Variants in CDH11 observed in about 807,000 individuals in gnomAD.
CDH11 encodes cadherin 11, also known as cadherin-11.
Under a neutral mutation model 67.8 loss-of-function variants are expected in CDH11, and 11 were observed. That is an observed-to-expected ratio of 0.16 (90% CI 0.10 to 0.27). The LOEUF is 0.27. Among genes scored for constraint, CDH11 ranks in the 10% least tolerant of loss-of-function variants. The pLI is 1.00. For missense variants in CDH11, 847 were observed against 1,031.2 expected, an observed-to-expected ratio of 0.82 and a Z score of 2.45; for synonymous variants, 419 against 400.0, an observed-to-expected ratio of 1.05 and a Z score of -0.57.
rs558491431 is a variant in CDH11 at position 65,029,664 on chromosome 16, T to A, written c.-173+24140A>T. Among the ~76,000 whole-genome samples the A allele has an allele frequency of 1.1e-4, 17 of 152,312 alleles. No homozygotes were observed. In the South Asian group the frequency reaches 3.3e-3, roughly 30 times the overall value. On this transcript the variant is annotated intron_variant, in intron 2 of 12. Coordinates refer to ENST00000268603, the MANE Select transcript of CDH11 (RefSeq NM_001797.4). ...CTTAATGAGCATGCAGAACTGAAAG[T>A]TTTTATGGGAGAACATTGAACGTTG...
intron 2 of CDH11, among the ~76,000 whole-genome samples, chr16:65,044,041 GGGA>G (rs2073912106): frequency 6.6e-6 from 1 of 152,148 alleles, no homozygotes. Context: ...TGCAGAAAAA[GGGA>G]GGAGAGGATC....
intron 11 of CDH11, among the ~76,000 whole-genome samples, chr16:64,968,181 C>T (rs561528131): frequency 2.6e-5 from 4 of 152,178 alleles, no homozygotes; most frequent in African/African-American, 9.6e-5. Context: ...AATCACTGAC[C>T]CTTCTGATGT....
At chr16:65,048,244 C>T (rs1249201519) in intron 2 of CDH11, among the ~76,000 whole-genome samples, 1 of 152,136 alleles carries the variant, frequency 6.6e-6, no homozygotes, top group Non-Finnish European at 1.5e-5. Context: ...CTTTAAAACT[C>T]AAGTGGAGAG....
chr16:65,019,328 C>T (rs1035653932), intron 2 of CDH11, among the ~76,000 whole-genome samples: 2 of 152,114 alleles, frequency 1.3e-5, no homozygotes, highest in African/African-American at 2.4e-5. Flanking sequence ...TTATCTAAAA[C>T]AATAACTCAA....
At chr16:64,969,515 G>A (rs1292499917) in intron 11 of CDH11, among the ~76,000 whole-genome samples, 1 of 152,116 alleles carries the variant, frequency 6.6e-6, no homozygotes, top group Non-Finnish European at 1.5e-5. Context: ...CTGGGCAACC[G>A]AATCAATCTC....
intron 2 of CDH11, among the ~76,000 whole-genome samples, chr16:65,010,578 G>A (rs1308594725): frequency 2.0e-5 from 3 of 152,150 alleles, no homozygotes; most frequent in Non-Finnish European, 2.9e-5. Flanking sequence ...AAAAGGTTAT[G>A]GTATATGCTG....
At chr16:64,956,499 C>T (rs1409131141) in intron 11 of CDH11, among the ~76,000 whole-genome samples, 1 of 152,196 alleles carries the variant, frequency 6.6e-6, no homozygotes, top group Non-Finnish European at 1.5e-5. Context: ...TTCTTCAGTC[C>T]TGGACAATAT....
At chr16:65,057,476 G>A (rs1366977651) in intron 1 of CDH11, among the ~76,000 whole-genome samples, 1 of 152,114 alleles carries the variant, frequency 6.6e-6, no homozygotes, top group African/African-American at 2.4e-5. Flanking sequence ...CTAGAAATCA[G>A]GAAAAGGAAC....
At chr16:64,971,407 G>C (rs1287958890) in intron 11 of CDH11, among the ~76,000 whole-genome samples, 172 bp downstream of exon 11, 3 of 152,070 alleles carry the variant, frequency 2.0e-5, no homozygotes, top group Non-Finnish European at 4.4e-5. Flanking sequence ...TCACTTATTC[G>C]CATGCATCAA....
At chr16:65,085,459 A>G (rs1444793859) in intron 1 of CDH11, among the ~76,000 whole-genome samples, 1 of 152,216 alleles carries the variant, frequency 6.6e-6, no homozygotes, top group Non-Finnish European at 1.5e-5. Flanking sequence ...AATAATGTAT[A>G]TAACTGAACT....
chr16:64,958,460 A>G (rs2071580041), intron 11 of CDH11, among the ~76,000 whole-genome samples: 1 of 152,172 alleles, frequency 6.6e-6, no homozygotes. Flanking sequence ...TGAACTGCTA[A>G]TATGGGCAAA....
chr16:64,989,302 G>C (rs1458610150), intron 6 of CDH11, among the ~76,000 whole-genome samples: 1 of 152,060 alleles, frequency 6.6e-6, no homozygotes, highest in Non-Finnish European at 1.5e-5. Context: ...GTGTGAGTGT[G>C]TGTATGAATG....
chr16:65,063,069 T>C (rs1273873420), intron 1 of CDH11, among the ~76,000 whole-genome samples: 1 of 152,238 alleles, frequency 6.6e-6, no homozygotes, highest in Non-Finnish European at 1.5e-5. Context: ...CATTCTTCAC[T>C]GCTATGCACA....
At chr16:65,017,738 T>G (rs257490) in intron 2 of CDH11, among the ~76,000 whole-genome samples, 1 of 152,002 alleles carries the variant, frequency 6.6e-6, no homozygotes, top group Non-Finnish European at 1.5e-5. Flanking sequence ...TAGATCTGTA[T>G]GTTACCTATT....
intron 4 of CDH11, among the ~76,000 whole-genome samples, chr16:64,994,161 A>G (rs1282205696): frequency 1.3e-5 from 2 of 152,118 alleles, no homozygotes; most frequent in Non-Finnish European, 2.9e-5. Context: ...TGTGGTGTAC[A>G]TCTCACTTTT....
chr16:64,957,631 C>T (rs2071551909), intron 11 of CDH11, among the ~76,000 whole-genome samples: 1 of 143,468 alleles, frequency 7.0e-6, no homozygotes, highest in South Asian at 2.3e-4. Context: ...CACACACACA[C>T]ACCCATCCAT....
chr16:65,004,355 A>C (rs985438794), intron 3 of CDH11, among the ~76,000 whole-genome samples: 39 of 152,246 alleles, frequency 2.6e-4, no homozygotes, highest in African/African-American at 9.4e-4. Context: ...TCTGGGCAAC[A>C]GAGAGAGACC....
At chr16:64,950,499 C>T (rs187089241) in intron 12 of CDH11, among the ~76,000 whole-genome samples, 34 of 152,170 alleles carry the variant, frequency 2.2e-4, no homozygotes, top group Admixed American at 1.6e-3. Context: ...TGTGATGGCC[C>T]GGCAAAATGC....
chr16:64,993,431 T>C (rs2072682980), intron 4 of CDH11, among the ~76,000 whole-genome samples: 1 of 152,150 alleles, frequency 6.6e-6, no homozygotes, highest in South Asian at 2.1e-4. Flanking sequence ...TAACGATAAA[T>C]TGCTTTCAGG....
Sources: gnomAD v4.1 joint callset for allele counts (sites outside exome capture counted in the v4.1 genomes callset) on GRCh38, gnomAD v4.1.1 for gene constraint, MANE v1.5 for transcripts, NCBI Gene and HGNC (gene_info 2026-07-23, HGNC 2026-07-21) for gene names.